Variants in ATP2B4 observed in about 807,000 individuals in gnomAD.
ATP2B4 encodes ATPase plasma membrane Ca2+ transporting 4.
Under a neutral mutation model 110.3 loss-of-function variants are expected in ATP2B4, and 39 were observed. The ratio of observed to expected loss-of-function variants is 0.35; its 90% CI spans 0.27 to 0.46. The LOEUF (loss-of-function observed/expected upper bound fraction) is 0.46, where lower values mean the gene tolerates loss of function less well. Among genes scored for constraint, ATP2B4 ranks in the 20% least tolerant of loss-of-function variants. The pLI is 1.00. For missense variants in ATP2B4, 1,135 were observed against 1,530.9 expected (o/e 0.74, Z 4.32); for synonymous variants, 538 against 571.7 (o/e 0.94, Z 0.84).
chr1:203,633,747 G>T (rs1312228626), intron 1 of ATP2B4, among the ~76,000 whole-genome samples: 2 of 40,708 alleles, frequency 4.9e-5, no homozygotes, highest in African/African-American at 1.3e-4. Context: ...AATAAATAAA[G>T]TAAATGCCAA....
At chr1:203,699,380 G>A (rs1436349096) in intron 3 of ATP2B4, 80 bp from the exon 4 acceptor site, 7 of 1,559,996 alleles carry the variant, frequency 4.5e-6, no homozygotes, top group African/African-American at 2.7e-5. Context: ...CTATCTTGGG[G>A]TGATTGTGGA....
At position 203,721,505 on chromosome 1, in the gene ATP2B4, A is replaced by G. The variant is rs2275323; in HGVS notation, c.2812+95A>G. On this transcript the variant is annotated intron_variant, in intron 17 of 20. Transcript: ENST00000357681. ...GTGAGAGCAAGTGCACAGGTCAGGA[A>G]TAAGCGCAGCTTCACCTCCCAGTGC... 46,494 of 1,284,934 alleles carry G rather than the reference A, an allele frequency of 0.036. 4,936 individuals are homozygous for G. In the East Asian group the frequency reaches 0.36, roughly 10 times the overall value. 79.6% of individuals were successfully genotyped at this position (1,284,934 alleles called of 1,614,324 possible).
chr1:203,643,218 G>T (rs1009727138), intron 1 of ATP2B4, among the ~76,000 whole-genome samples: 1 of 152,178 alleles, frequency 6.6e-6, no homozygotes, highest in Non-Finnish European at 1.5e-5. Context: ...AAATAAGGCA[G>T]AGTGGAGGGT....
chr1:203,659,867 A>G (rs557103841), intron 1 of ATP2B4, among the ~76,000 whole-genome samples: 2 of 152,084 alleles, frequency 1.3e-5, no homozygotes, highest in Non-Finnish European at 1.5e-5. Flanking sequence ...GTGGATCACA[A>G]GATCAGGAGT....
chr1:203,688,842 A>T (rs1438621622), intron 2 of ATP2B4, among the ~76,000 whole-genome samples: 2 of 152,194 alleles, frequency 1.3e-5, no homozygotes, highest in Non-Finnish European at 2.9e-5. Context: ...TTTACATCAA[A>T]GTAACTAAAG....
chr1:203,674,460 G>T (rs1664768634), intron 1 of ATP2B4, among the ~76,000 whole-genome samples: 1 of 149,732 alleles, frequency 6.7e-6, no homozygotes, highest in Non-Finnish European at 1.5e-5. Context: ...GGGCCTAAGG[G>T]ACTGCCCTTT....
intron 1 of ATP2B4, among the ~76,000 whole-genome samples, chr1:203,676,790 A>G (rs1238222288): frequency 7.4e-6 from 1 of 135,884 alleles, no homozygotes; most frequent in Non-Finnish European, 1.6e-5. Context: ...TCTAGAGCCC[A>G]GTGCTTTCTG....
chr1:203,731,349 G>A (rs978386312), intron 20 of ATP2B4, among the ~76,000 whole-genome samples: 5 of 152,180 alleles, frequency 3.3e-5, no homozygotes, highest in African/African-American at 1.2e-4. Flanking sequence ...TCCCTCCTGG[G>A]AAAATGAAGT....
intron 2 of ATP2B4, among the ~76,000 whole-genome samples, chr1:203,692,517 G>A (rs1176674771): frequency 6.6e-6 from 1 of 152,302 alleles, no homozygotes; most frequent in Admixed American, 6.5e-5. Flanking sequence ...GTATTCTGCT[G>A]TCTGTCCTTC....
intron 1 of ATP2B4, among the ~76,000 whole-genome samples, chr1:203,635,693 A>C (rs1663416973): frequency 6.6e-6 from 1 of 152,078 alleles, no homozygotes; most frequent in Non-Finnish European, 1.5e-5. Context: ...GCAGTTGTTT[A>C]TTGTGCTATT....
chr1:203,680,749 G>GTGAAAAGACAGGGCCCATTCTCTACCCAA, intron 1 of ATP2B4, among the ~76,000 whole-genome samples: 1 of 152,308 alleles, frequency 6.6e-6, no homozygotes, highest in Admixed American at 6.5e-5. Context: ...TTAGGGTGGT[G>GTGAAAAGACAGGGCCCATTCTCTACCCAA]CGAAAAGACA....
chr1:203,643,665 G>A (rs1663701726), intron 1 of ATP2B4, among the ~76,000 whole-genome samples: 1 of 152,190 alleles, frequency 6.6e-6, no homozygotes, highest in African/African-American at 2.4e-5. Flanking sequence ...GGAACAGGGG[G>A]AATTCTCTGG....
chr1:203,700,801 C>T lies in ATP2B4; in HGVS notation c.779C>T (p.Thr260Ile). The part of the protein sequence containing the change: ...LDKDPMLLSG[T>I]HVMEGSGRMV... Reference sequence around the variant, plus strand: ...CATCTTCTCCTTTCCCGTGTAGGGACCCATGTCATGGAAGGTTCTGGCCGG... The same window carrying T: ...CATCTTCTCCTTTCCCGTGTAGGGATCCATGTCATGGAAGGTTCTGGCCGG... The change falls in exon 6 of 21, where the codon ACC (threonine) becomes ATC (isoleucine). Residue 260 changes from threonine (T) to isoleucine (I), a missense_variant. Around this residue, in one of 9 missense-constraint regions of ATP2B4, gnomAD observed 162 missense variants for 210.5 expected, o/e 0.77. Transcript: ENST00000357681. 1 of 1,612,566 alleles carries T rather than the reference C, an allele frequency of 6.2e-7. No individual in the cohort carries two copies. Among genetic ancestry groups the T allele is most frequent in the Middle Eastern group, 1.7e-4 (1 of 6,048 alleles).
chr1:203,704,364 T>C (rs982513472), intron 8 of ATP2B4, among the ~76,000 whole-genome samples: 2 of 151,918 alleles, frequency 1.3e-5, no homozygotes, highest in Non-Finnish European at 2.9e-5. Context: ...TGCCTCTACA[T>C]TTTCCTGTCT....
At chr1:203,695,878 ATGTCTTCCTCAGGTC>A (rs1166388357) in intron 2 of ATP2B4, among the ~76,000 whole-genome samples, 1 of 152,088 alleles carries the variant, frequency 6.6e-6, no homozygotes, top group African/African-American at 2.4e-5. Flanking sequence ...ATCTGTTCAG[ATGTCTTCCTCAGGTC>A]CTAACCCAAA....
rs151186239 is a variant in ATP2B4, at chr1:203,729,285, G to A, written c.3309+1714G>A. On this transcript the variant is annotated intron_variant, in intron 20 of 20. Coordinates refer to ENST00000357681, the MANE Select transcript of ATP2B4 (RefSeq NM_001684.5). ...AAAGAGGCCGGGTGCGGTGGCTCACGCCTGTAATCCCAGCACTTTGGGAGG... is the reference window on the plus strand; with the variant it reads ...AAAGAGGCCGGGTGCGGTGGCTCACACCTGTAATCCCAGCACTTTGGGAGG... Among the ~76,000 whole-genome samples the A allele has an allele frequency of 5.0e-3, 764 of 151,662 alleles. 5 individuals are homozygous for A. Among genetic ancestry groups the A allele is most frequent in the African/African-American group, 0.017 (695 of 41,372 alleles).
intron 1 of ATP2B4, among the ~76,000 whole-genome samples, chr1:203,658,701 A>G (rs1473214672): frequency 1.3e-5 from 2 of 152,204 alleles, no homozygotes; most frequent in Non-Finnish European, 2.9e-5. Context: ...CTCAGTAACT[A>G]TAGTATATAA....
At chr1:203,639,912 T>C (rs1208720766) in intron 1 of ATP2B4, among the ~76,000 whole-genome samples, 8 of 152,188 alleles carry the variant, frequency 5.3e-5, no homozygotes, top group Admixed American at 5.2e-4. Flanking sequence ...TTACCTCTCA[T>C]TTCAGCCTCT....
rs554374242 is a variant in ATP2B4, at chr1:203,652,444, C to A, written c.-465+25225C>A. 1.2e-4 allele frequency among the ~76,000 whole-genome samples: 19 copies of A among 152,212 alleles called. No individual in the cohort carries two copies. In the East Asian group the frequency reaches 3.5e-3, roughly 28 times the overall value. ...TACAGGCGTGAGCCACTATGCGAGG[C>A]CTACTAAAGCAACTTCTAAAAGAAA... On this transcript the variant is annotated intron_variant, in intron 1 of 20. Transcript: ENST00000357681.
Sources: allele counts gnomAD v4.1 joint callset (sites outside exome capture counted in the v4.1 genomes callset), GRCh38; gene constraint gnomAD v4.1.1; regional missense constraint gnomAD v4.1.1; transcripts MANE v1.5; gene names NCBI Gene and HGNC (gene_info 2026-07-23, HGNC 2026-07-21).